PRKCSH: variants seen among roughly 807,000 people sequenced by gnomAD.
The protein encoded by PRKCSH is glucosidase 2 subunit beta.
PRKCSH carries 42 observed loss-of-function variants against 79.7 expected under a neutral mutation model. That is an observed-to-expected ratio of 0.53 (90% confidence interval 0.41 to 0.68). The LOEUF (loss-of-function observed/expected upper bound fraction) is 0.68. PRKCSH is among the 30% of genes least tolerant of loss of function. The pLI, the probability that PRKCSH is intolerant of heterozygous loss-of-function variation, is 0.00. For synonymous variants in PRKCSH, 325 were observed against 288.2 expected, an observed-to-expected ratio of 1.13 and a Z score of -1.29; for missense variants, 686 against 709.0, an observed-to-expected ratio of 0.97 and a Z score of 0.37.
chr19:11,447,946 C>T lies in PRKCSH; in HGVS notation c.1126+157C>T, dbSNP rs1203428992. The T allele has an allele frequency of 2.2e-6, 2 of 928,176 alleles. No individual in the cohort carries two copies. The highest frequency in any genetic ancestry group is 1.7e-5 in the South Asian group (1 of 57,552). 57.5% of individuals were successfully genotyped at this position (928,176 alleles called of 1,614,324 possible). A position where few individuals can be genotyped will look rare whatever the true frequency, so the allele number is the denominator to read the frequency against. ...GTCCAGGAAGGGGGCCTAGGGTAAG[C>T]CAGTCCCACCCTCGCCAGCCCCAAG... On this transcript the variant is annotated intron_variant, in intron 12 of 17. Transcript: ENST00000677123. The surrounding 1 kb of genome is among the most constrained non-coding windows in gnomAD (Gnocchi z 5.6).
Position 11,449,806 on chromosome 19 carries a change from A to G in PRKCSH, c.*16+378A>G, listed in dbSNP as rs1240110493. 7.3e-6 allele frequency: 2 copies of G among 274,332 alleles called. No homozygotes were observed. The highest frequency in any genetic ancestry group is 1.8e-4 in the East Asian group (2 of 10,830). The allele number at this position is 274,332 out of a possible 1,614,324, so 17.0% of individuals were successfully genotyped here. A position where few individuals can be genotyped will look rare whatever the true frequency, so the allele number is the denominator to read the frequency against. On this transcript the variant is annotated intron_variant, in intron 17 of 17. Coordinates refer to ENST00000677123, the MANE Select transcript of PRKCSH (RefSeq NM_001289104.2). This position sits in a 1 kb window ranked among gnomAD's most constrained non-coding sequence, Gnocchi z 6.4. ...TGCCTTGGCCTCCCAAAGTGCTGGG[A>G]TTACAGGCATGAGCCACCACACCCG...
intron 7 of PRKCSH, 24 bp from the exon 8 acceptor site, chr19:11,445,365 G>A (rs1162093414): frequency 6.2e-7 from 1 of 1,611,944 alleles, no homozygotes; most frequent in Non-Finnish European, 8.5e-7. Flanking sequence ...TGGGCAGGGG[G>A]TGACAGAGGT....
In PRKCSH at chr19:11,449,651, T is replaced by A. The variant is rs889955087; in HGVS notation, c.*16+223T>A. 10 of 590,642 alleles carry A rather than the reference T, an allele frequency of 1.7e-5. No individual in the cohort carries two copies. The African/African-American group carries it at 1.9e-4, about 11-fold the overall frequency. 36.6% of individuals were successfully genotyped at this position (590,642 alleles called of 1,614,324 possible). The stretch of plus-strand genomic sequence containing the variant: ...TCTACCTCCCGGGTTCAAACAATTG[T>A]CTTGTCTCAGCCTCCCAAGTAGCTG... On this transcript the variant is annotated intron_variant, in intron 17 of 17. Coordinates refer to ENST00000677123, the MANE Select transcript of PRKCSH (RefSeq NM_001289104.2). This position sits in a 1 kb window ranked among gnomAD's most constrained non-coding sequence, Gnocchi z 6.4.
At chr19:11,444,584 G>C (rs900865434) in intron 7 of PRKCSH, among the ~76,000 whole-genome samples, 2 of 152,186 alleles carry the variant, frequency 1.3e-5, no homozygotes, top group African/African-American at 4.8e-5. Context: ...GACCAAGCTG[G>C]AGCTTGGTAT....
rs1043874078 is a variant in PRKCSH at position 11,448,186 on chromosome 19, G to A, written c.1127-36G>A. ...CCCGTTCCCCATCCTCCTGGATGGG[G>A]TTGAGGACATCTCTGACCTCCAACC... On this transcript the variant is annotated intron_variant, in intron 12 of 17. Transcript: ENST00000677123. This position sits in a 1 kb window ranked among gnomAD's most constrained non-coding sequence, Gnocchi z 4.4. 1.3e-6 allele frequency: 2 copies of A among 1,545,660 alleles called. No individual in the cohort carries two copies. Among genetic ancestry groups the A allele is most frequent in the Non-Finnish European group, 1.8e-6 (2 of 1,141,444 alleles).
At chr19:11,437,182 CCCA>C (rs1969803283) in intron 3 of PRKCSH, among the ~76,000 whole-genome samples, 1 of 150,908 alleles carries the variant, frequency 6.6e-6, no homozygotes, top group Non-Finnish European at 1.5e-5. Flanking sequence ...ACTACAGGCA[CCCA>C]CCACCACGCC....
intron 8 of PRKCSH, 72 bp from the exon 9 acceptor site, chr19:11,446,200 G>A (rs1970288001): frequency 1.3e-6 from 2 of 1,534,754 alleles, no homozygotes; most frequent in Non-Finnish European, 1.8e-6. Context: ...GAACAGGTGG[G>A]CCACATGGTG....
At position 11,437,811 on chromosome 19, in the gene PRKCSH, G is replaced by A. The variant is rs145783420; in HGVS notation, c.197-65G>A. The A allele has an allele frequency of 1.3e-3, 1,857 of 1,398,526 alleles. 21 individuals carry two copies. The African/African-American group carries it at 0.023, about 17-fold the overall frequency. The allele number at this position is 1,398,526 out of a possible 1,614,324, so 86.6% of individuals were successfully genotyped here. ...GTGTGGGTCAGGGGCTCTTATCTGT[G>A]GATGGATGGGACATGTCTGTCCCTG... On this transcript the variant is annotated intron_variant, in intron 3 of 17. Transcript: ENST00000677123.
intron 5 of PRKCSH, among the ~76,000 whole-genome samples, chr19:11,439,816 T>C (rs1448651036): frequency 6.6e-6 from 1 of 151,452 alleles, no homozygotes; most frequent in Non-Finnish European, 1.5e-5. Context: ...AGACGGTGTT[T>C]CACAATATTG....
At chr19:11,442,575 A>C in intron 7 of PRKCSH, 60 bp downstream of exon 7, 2 of 1,588,664 alleles carry the variant, frequency 1.3e-6, no homozygotes, top group South Asian at 2.3e-5. Flanking sequence ...GTCTGGGCCT[A>C]GGAGTCTCCC....
chr19:11,436,499 G>A lies in PRKCSH; in HGVS notation c.190G>A (p.Glu64Lys), dbSNP rs1969752815. The change falls in exon 3 of 18, where the codon GAG (glutamate) becomes AAG (lysine). Residue 64 changes from glutamate to lysine, a missense_variant. Physicochemically the swap from Glu to Lys is moderately conservative, Grantham distance 56. Transcript: ENST00000677123. ...DYCDCKDGSDEPGTAACPNGS... is the reference protein window; with the variant it reads ...DYCDCKDGSDKPGTAACPNGS... Reference sequence around the variant, plus strand: ...TTGCGACTGCAAAGATGGCTCTGACGAGCCAGGTGAGCCTTTTCTCTGTTC... The same window carrying A: ...TTGCGACTGCAAAGATGGCTCTGACAAGCCAGGTGAGCCTTTTCTCTGTTC... 6.2e-7 allele frequency: 1 copy of A among 1,608,310 alleles called. No homozygotes were observed. Among genetic ancestry groups the A allele is most frequent in the Non-Finnish European group, 8.5e-7 (1 of 1,175,194 alleles).
chr19:11,446,661 C>G (rs951352764), intron 9 of PRKCSH, among the ~76,000 whole-genome samples: 1 of 150,984 alleles, frequency 6.6e-6, no homozygotes. Context: ...TGTCTGTCTC[C>G]TTTCCTATCC....
Position 11,448,995 on chromosome 19 carries a change from G to C in PRKCSH, c.1361+7G>C. On this transcript the variant is annotated splice_region_variant and intron_variant, in intron 15 of 17. Coordinates refer to ENST00000677123, the MANE Select transcript of PRKCSH (RefSeq NM_001289104.2). The surrounding 1 kb of genome is among the most constrained non-coding windows in gnomAD (Gnocchi z 4.4). ...GCTCTCCCACCAGCCTTGGGTGAGT[G>C]GCTTGGGCTGGCCCCTTCCCTCTGC... The C allele has an allele frequency of 6.2e-7, 1 of 1,613,726 alleles. No individual in the cohort carries two copies. Among genetic ancestry groups the C allele is most frequent in the Non-Finnish European group, 8.5e-7 (1 of 1,180,008 alleles).
At position 11,442,475 on chromosome 19, in the gene PRKCSH, A is replaced by G. The variant is rs374222433; in HGVS notation, c.558A>G (p.Pro186=). The change falls in exon 7 of 18, where the codon CCA becomes CCG. Residue 186 remains proline (P), a synonymous_variant. Transcript: ENST00000677123. ...CAGTGAAGGAGGAAGCTGAGAAGCCAGAGAGAGAGGCCAAAGAGCAGCACC... is the reference window on the plus strand; with the variant it reads ...CAGTGAAGGAGGAAGCTGAGAAGCCGGAGAGAGAGGCCAAAGAGCAGCACC... The part of the protein sequence containing the change: ...LRTVKEEAEK[P]EREAKEQHQK... The G allele has an allele frequency of 1.6e-5, 26 of 1,610,810 alleles. No individual in the cohort carries two copies. The highest frequency in any genetic ancestry group is 2.1e-5 in the Non-Finnish European group (25 of 1,178,600).
At chr19:11,435,920 C>A in intron 1 of PRKCSH, 121 bp from the exon 2 acceptor site, 1 of 903,542 alleles carries the variant, frequency 1.1e-6, no homozygotes, top group Non-Finnish European at 1.7e-6. Context: ...TTGGGGAGAT[C>A]GCTGCCCCTC....
rs1220503327 is a variant in PRKCSH, at chr19:11,441,333, G to T, written c.444G>T (p.Trp148Cys). ...FRLKKILIED[W>C]KKAREEKQKK... ...TGAAGAAGATCCTTATTGAGGACTG[G>T]AAGAAGGCACGGGAGGAGAAGCAGG... Residue 148 changes from tryptophan to cysteine, a missense_variant, in exon 6 of 18, where the codon TGG becomes TGT. Transcript: ENST00000677123. The T allele has an allele frequency of 5.0e-6, 8 of 1,613,966 alleles. No individual in the cohort carries two copies. The highest frequency in any genetic ancestry group is 6.8e-6 in the Non-Finnish European group (8 of 1,179,904).
intron 5 of PRKCSH, among the ~76,000 whole-genome samples, 156 bp downstream of exon 5, chr19:11,438,280 G>T (rs1262650096): frequency 6.6e-6 from 1 of 152,110 alleles, no homozygotes; most frequent in African/African-American, 2.4e-5. Context: ...TTTCCCTCTA[G>T]TCTGGAAGCA....
At position 11,448,324 on chromosome 19, in the gene PRKCSH, C is replaced by A. The variant is rs368542904; in HGVS notation, c.1196+33C>A. 147 of 1,560,600 alleles carry A rather than the reference C, an allele frequency of 9.4e-5. No homozygotes were observed. Among genetic ancestry groups the A allele is most frequent in the Non-Finnish European group, 1.2e-4 (139 of 1,151,852 alleles). On this transcript the variant is annotated intron_variant, in intron 13 of 17. Transcript: ENST00000677123. This position sits in a 1 kb window ranked among gnomAD's most constrained non-coding sequence, Gnocchi z 4.4. Reference sequence around the variant, plus strand: ...GGGCTGAGGAGCGGGGACACCTGTCCCACAGCGACTGCTCCTTGACTCCCA... The same window carrying A: ...GGGCTGAGGAGCGGGGACACCTGTCACACAGCGACTGCTCCTTGACTCCCA...
intron 7 of PRKCSH, 120 bp downstream of exon 7, chr19:11,442,635 C>G (rs532236518): frequency 6.9e-7 from 1 of 1,452,362 alleles, no homozygotes; most frequent in East Asian, 2.6e-5. Context: ...TGCTGCCCAT[C>G]GCCTTGTGTG....
Sources: gnomAD v4.1 joint callset for allele counts (sites outside exome capture counted in the v4.1 genomes callset) on GRCh38, gnomAD v4.1.1 for gene constraint, Gnocchi (gnomAD v3.1) non-coding constraint, MANE v1.5 for transcripts, NCBI Gene and HGNC (gene_info 2026-07-23, HGNC 2026-07-21) for gene names.